The following ANK2 variants were observed in gnomAD, a reference collection of about 807,000 sequenced individuals.
ANK2 encodes ankyrin-2.
A neutral mutation model predicts 360.5 loss-of-function variants in ANK2; 83 were observed. That is an observed-to-expected ratio of 0.23 (90% CI 0.19 to 0.28). The LOEUF (loss-of-function observed/expected upper bound fraction) is 0.28, where lower values mean the gene tolerates loss of function less well. Ranked by LOEUF, ANK2 falls within the 10% of genes least tolerant of loss-of-function variation. The pLI is 1.00. For synonymous variants in ANK2, 1,740 were observed against 1,759.5 expected (o/e 0.99, Z 0.28); for missense variants, 4,201 against 4,795.7 (o/e 0.88, Z 3.66).
intron 23 of ANK2, among the ~76,000 whole-genome samples, chr4:113,304,968 T>C (rs945119253): frequency 2.6e-4 from 39 of 152,304 alleles, no homozygotes; most frequent in African/African-American, 9.4e-4. Flanking sequence ...TAGCCCTTTA[T>C]TTACAAAATA....
rs1219607543 is a variant in ANK2, at chr4:113,357,792, T to C, written c.9174T>C (p.Arg3058=). 4.3e-6 allele frequency: 7 copies of C among 1,613,918 alleles called. No individual in the cohort carries two copies. Among genetic ancestry groups the C allele is most frequent in the Non-Finnish European group, 5.9e-6 (7 of 1,179,922 alleles). The change falls in exon 38 of 46, where the codon CGT becomes CGC. Residue 3058 remains arginine (R), a synonymous_variant. Coordinates refer to ENST00000357077, the MANE Select transcript of ANK2 (RefSeq NM_001148.6). ...IREDDEAFEA[R]VKEEEQKIFG... ...AAGACGATGAAGCCTTTGAGGCTCG[T>C]GTGAAAGAGGAAGAACAAAAGATAT...
At chr4:112,743,611 C>T in the ANK2 span, among the ~76,000 whole-genome samples, 14 of 133,100 alleles carry the variant, frequency 1.1e-4, no homozygotes, top group African/African-American at 2.3e-4. Flanking sequence ...GGCACGATCT[C>T]GGCTCACTGC....
chr4:112,905,454 G>A (rs2084869297), intron 2 of ANK2, among the ~76,000 whole-genome samples: 1 of 152,056 alleles, frequency 6.6e-6, no homozygotes, highest in African/African-American at 2.4e-5. Context: ...ATTTCCTCAA[G>A]GCCTTACAAA....
the ANK2 span, among the ~76,000 whole-genome samples, chr4:112,786,452 C>T: frequency 1.9e-4 from 28 of 145,590 alleles, no homozygotes; most frequent in African/African-American, 6.4e-4. Context: ...GGCTGGAGTG[C>T]AGTAGCGTGA....
chr4:113,049,261 T>C (rs1218757607), upstream of ANK2, among the ~76,000 whole-genome samples: 1 of 152,198 alleles, frequency 6.6e-6, no homozygotes, highest in East Asian at 1.9e-4. Context: ...TTTCCTTAAG[T>C]AGCCTCTTGA....
chr4:113,292,962 C>A, intron 21 of ANK2: 1 of 351,756 alleles, frequency 2.8e-6, no homozygotes, highest in Non-Finnish European at 5.6e-6. Context: ...GGATGCAGCC[C>A]GAATTGCTTG....
At position 113,356,706 on chromosome 4, in the gene ANK2, A is replaced by G. The variant is rs747137546; in HGVS notation, c.8088A>G (p.Pro2696=). ...GAGTACAACCTCCTTCTCCACTTCC[A>G]TCAAGCATGGACTCCAATTCCAGTC... ...VIRVQPPSPL[P]SSMDSNSSPE... Residue 2696 remains proline, a synonymous_variant, in exon 38 of 46, where the codon CCA becomes CCG. Coordinates refer to ENST00000357077, the MANE Select transcript of ANK2 (RefSeq NM_001148.6). 6 of 1,614,026 alleles carry G rather than the reference A, an allele frequency of 3.7e-6. No individual in the cohort carries two copies. The Admixed American group carries it at 6.7e-5, about 18-fold the overall frequency.
At chr4:112,869,483 A>G (rs1356149783) in intron 1 of ANK2, among the ~76,000 whole-genome samples, 2 of 150,802 alleles carry the variant, frequency 1.3e-5, no homozygotes, top group Admixed American at 6.6e-5. Context: ...GGTTTTTGCC[A>G]TGTTGCCCAG....
intron 43 of ANK2, chr4:113,372,600 T>C (rs1179030429): frequency 6.5e-7 from 1 of 1,535,808 alleles, no homozygotes; most frequent in Non-Finnish European, 8.7e-7. Flanking sequence ...ACTACCAGGG[T>C]TGTCCGCCGG....
chr4:112,966,560 A>C (rs1458699384), intron 2 of ANK2, among the ~76,000 whole-genome samples: 1 of 152,112 alleles, frequency 6.6e-6, no homozygotes, highest in East Asian at 1.9e-4. Context: ...TCACGTTTGT[A>C]ACTGTTCTCA....
At chr4:113,204,292 A>G (rs901088864) in intron 4 of ANK2, among the ~76,000 whole-genome samples, 1 of 152,198 alleles carries the variant, frequency 6.6e-6, no homozygotes, top group Non-Finnish European at 1.5e-5. Flanking sequence ...TGGATCCTAG[A>G]CTAGACACCA....
the ANK2 span, among the ~76,000 whole-genome samples, chr4:112,731,859 A>G: frequency 6.6e-6 from 1 of 152,220 alleles, no homozygotes; most frequent in East Asian, 1.9e-4. Context: ...GGCTGTTCAC[A>G]GGCACAATCA....
At chr4:113,292,547 T>A in intron 21 of ANK2, 33 bp downstream of exon 21, 2 of 1,547,866 alleles carry the variant, frequency 1.3e-6, no homozygotes, top group Admixed American at 1.9e-5. Flanking sequence ...TCACCACGCT[T>A]TCTTCTTTTT....
At chr4:113,054,496 A>T (rs2068615776) in intron 1 of ANK2, among the ~76,000 whole-genome samples, 1 of 152,236 alleles carries the variant, frequency 6.6e-6, no homozygotes, top group Non-Finnish European at 1.5e-5. Context: ...TGCCCTTTTT[A>T]GTGAAATCAG....
chr4:113,145,574 C>G lies in ANK2; in HGVS notation c.85-28842C>G, dbSNP rs555104439. 8 of 1,026,634 alleles carry G rather than the reference C, an allele frequency of 7.8e-6. No homozygotes were observed. The East Asian group carries it at 3.3e-4, about 43-fold the overall frequency. The allele number at this position is 1,026,634 out of a possible 1,614,324, so 63.6% of individuals were successfully genotyped here. On this transcript the variant is annotated intron_variant, in intron 1 of 45. Coordinates refer to ENST00000357077, the MANE Select transcript of ANK2 (RefSeq NM_001148.6). Reference sequence around the variant, plus strand: ...CCCTGCTCTCTGTCTGCCTCACCCCCCTCACTCCATTGACATGCATAGCTG... The same window carrying G: ...CCCTGCTCTCTGTCTGCCTCACCCCGCTCACTCCATTGACATGCATAGCTG...
chr4:113,011,098 A>G (rs762898928), intron 2 of ANK2, among the ~76,000 whole-genome samples: 2 of 150,274 alleles, frequency 1.3e-5, no homozygotes, highest in Non-Finnish European at 3.0e-5. Flanking sequence ...GATTTTCTGC[A>G]TATTTTGGAT....
intron 2 of ANK2, among the ~76,000 whole-genome samples, chr4:112,936,492 C>T (rs1314027934): frequency 2.0e-5 from 3 of 151,818 alleles, no homozygotes; most frequent in African/African-American, 4.8e-5. Context: ...ATTACAGGCG[C>T]GTGCCACCAC....
In ANK2 at chr4:113,356,999, A is replaced by G. The variant is rs528909081; in HGVS notation, c.8381A>G (p.Gln2794Arg). 338 of 1,614,084 alleles carry G rather than the reference A, an allele frequency of 2.1e-4. 2 individuals are homozygous for G. In the South Asian group the frequency reaches 3.5e-3, roughly 17 times the overall value. The change falls in exon 38 of 46, where the codon CAG becomes CGG. Residue 2794 changes from glutamine (Q) to arginine (R), a missense_variant. Coordinates refer to ENST00000357077, the MANE Select transcript of ANK2 (RefSeq NM_001148.6). The part of the protein sequence containing the change: ...SSAAPVSSGL[Q>R]SPTGDDVDEQ... Reference sequence around the variant, plus strand: ...GCTGCTCCTGTCTCTTCAGGTCTACAGAGTCCGACTGGTGATGATGTTGAT... The same window carrying G: ...GCTGCTCCTGTCTCTTCAGGTCTACGGAGTCCGACTGGTGATGATGTTGAT...
chr4:112,856,466 G>A (rs901889413), intron 1 of ANK2, among the ~76,000 whole-genome samples: 2 of 152,162 alleles, frequency 1.3e-5, no homozygotes, highest in Admixed American at 6.5e-5. Context: ...GGTGGCTCAC[G>A]CCTGTAATCC....
Sources: gnomAD v4.1 joint callset for allele counts (sites outside exome capture counted in the v4.1 genomes callset) on GRCh38, gnomAD v4.1.1 for gene constraint, MANE v1.5 for transcripts, NCBI Gene and HGNC (gene_info 2026-07-23, HGNC 2026-07-21) for gene names.